The following KLRG1 variants were observed in gnomAD, a reference collection of about 807,000 sequenced individuals.
KLRG1 encodes the protein killer cell lectin like receptor G1.
In KLRG1, 16 loss-of-function variants were observed where a neutral mutation model predicts 21.8. The ratio of observed to expected loss-of-function variants is 0.73; its 90% CI spans 0.50 to 1.11. KLRG1 has a LOEUF of 1.11. KLRG1 is among the 50% of genes most tolerant of loss of function. The pLI, the probability that KLRG1 is intolerant of heterozygous loss-of-function variation, is 0.00. For missense variants in KLRG1, 173 were observed against 218.3 expected (o/e 0.79, Z 1.31); for synonymous variants, 69 against 75.9 (o/e 0.91, Z 0.47).
chr12:8,962,077 C>T (rs879186013), intron 1 of KLRG1, among the ~76,000 whole-genome samples: 1 of 151,964 alleles, frequency 6.6e-6, no homozygotes, highest in South Asian at 2.1e-4. Context: ...CAGAGTGAGA[C>T]CCCGTCTCTT....
chr12:9,202,312 T>A, the KLRG1 span: 1 of 1,611,340 alleles, frequency 6.2e-7, no homozygotes, highest in Non-Finnish European at 8.5e-7. Flanking sequence ...AGATAGTGGA[T>A]GCTTACCAGT....
chr12:9,182,756 A>G, the KLRG1 span, among the ~76,000 whole-genome samples: 1 of 152,200 alleles, frequency 6.6e-6, no homozygotes, highest in East Asian at 1.9e-4. Context: ...CAAAAGTTCC[A>G]TTTTCTGAAT....
chr12:9,208,453 C>A, the KLRG1 span: 1 of 753,262 alleles, frequency 1.3e-6, no homozygotes, highest in African/African-American at 1.7e-5. Context: ...CAAGCCCCAC[C>A]CCAAGGCCTC....
At chr12:9,094,832 A>G in the KLRG1 span, 2 of 409,188 alleles carry the variant, frequency 4.9e-6, no homozygotes, top group Non-Finnish European at 8.5e-6. Context: ...TTATATTACT[A>G]TATGACCTTG....
the KLRG1 span, chr12:9,152,714 A>G: frequency 1.7e-6 from 2 of 1,165,890 alleles, no homozygotes; most frequent in Non-Finnish European, 2.4e-6. Context: ...AGATATATCA[A>G]TTCTAAATTA....
At chr12:9,182,725 G>A in the KLRG1 span, among the ~76,000 whole-genome samples, 3 of 152,310 alleles carry the variant, frequency 2.0e-5, no homozygotes, top group East Asian at 3.9e-4. Flanking sequence ...GGGCCACCAG[G>A]TAGCTACAAA....
the KLRG1 span, chr12:9,090,208 C>A: frequency 7.2e-7 from 1 of 1,381,398 alleles, no homozygotes. Flanking sequence ...TTGAGGATAT[C>A]CTTGTAGGCA....
chr12:9,076,924 G>A, the KLRG1 span: 9 of 1,596,380 alleles, frequency 5.6e-6, no homozygotes, highest in East Asian at 2.2e-5. Context: ...AGGGCATTGC[G>A]GACAACAGGG....
chr12:9,000,163 A>C (rs1209694389), intron 3 of KLRG1, among the ~76,000 whole-genome samples: 1 of 152,314 alleles, frequency 6.6e-6, no homozygotes, highest in East Asian at 1.9e-4. Context: ...TGACTTGTTG[A>C]ATTGAGTATA....
chr12:9,026,013 G>A, the KLRG1 span, among the ~76,000 whole-genome samples: 1 of 152,312 alleles, frequency 6.6e-6, no homozygotes, highest in East Asian at 1.9e-4. Flanking sequence ...TGCGAGCTTG[G>A]GTGAGGCAGG....
At chr12:9,033,465 G>A in the KLRG1 span, among the ~76,000 whole-genome samples, 1 of 151,834 alleles carries the variant, frequency 6.6e-6, no homozygotes, top group African/African-American at 2.4e-5. Flanking sequence ...GGGATTACTG[G>A]GGTATTTCCC....
At chr12:9,140,784 G>C in the KLRG1 span, among the ~76,000 whole-genome samples, 1 of 152,142 alleles carries the variant, frequency 6.6e-6, no homozygotes, top group South Asian at 2.1e-4. Flanking sequence ...CCACAGGTCA[G>C]AAACCCTGTA....
chr12:9,033,320 C>A, the KLRG1 span, among the ~76,000 whole-genome samples: 30 of 152,094 alleles, frequency 2.0e-4, no homozygotes, highest in African/African-American at 7.0e-4. Flanking sequence ...TGGTTTATAT[C>A]TGTAGTCCCA....
intron 1 of KLRG1, among the ~76,000 whole-genome samples, chr12:8,973,322 A>G (rs1046841495): frequency 2.6e-5 from 4 of 152,064 alleles, no homozygotes; most frequent in African/African-American, 9.7e-5. Flanking sequence ...AAGATGTGGG[A>G]CCTTTAGGAG....
At chr12:9,036,638 A>G in the KLRG1 span, 1 of 207,950 alleles carries the variant, frequency 4.8e-6, no homozygotes, top group Non-Finnish European at 1.0e-5. Context: ...AGAAATCACA[A>G]TTGGACCACC....
the KLRG1 span, among the ~76,000 whole-genome samples, chr12:9,070,825 A>AT: frequency 0.38 from 55,575 of 145,732 alleles, 11,036 homozygotes; most frequent in African/African-American, 0.5. Context: ...GAGGATCTGC[A>AT]TTTTTTTTTT....
chr12:9,115,668 AG>A, the KLRG1 span: 5 of 879,232 alleles, frequency 5.7e-6, no homozygotes, highest in African/African-American at 6.7e-5. Flanking sequence ...AGAAGATGAC[AG>A]TATCATAGGA....
the KLRG1 span, chr12:9,074,508 C>A: frequency 1.7e-5 from 26 of 1,499,032 alleles, 1 homozygote; most frequent in South Asian, 2.9e-4. Flanking sequence ...CTTTTTCATT[C>A]AAATCTTTTG....
Position 9,010,347 on chromosome 12 carries a change from C to A in KLRG1, c.*810C>A. ...TATGCATATATGTGGTTGAATGAAC[C>A]AATGTGTGATTGTATCTTTTCCATT... is the stretch of plus-strand genomic sequence containing the variant. On this transcript the variant is annotated 3_prime_UTR_variant, in exon 5 of 5. Coordinates refer to ENST00000356986, the MANE Select transcript of KLRG1 (RefSeq NM_005810.4). 4.5e-6 allele frequency: 1 copy of A among 223,888 alleles called. No individual in the cohort carries two copies. Among genetic ancestry groups the A allele is most frequent in the Non-Finnish European group, 8.7e-6 (1 of 114,994 alleles). 13.9% of individuals were successfully genotyped at this position (223,888 alleles called of 1,614,324 possible). A position where few individuals can be genotyped will look rare whatever the true frequency, so the allele number is the denominator to read the frequency against.
Sources: allele counts gnomAD v4.1 joint callset (sites outside exome capture counted in the v4.1 genomes callset), GRCh38; gene constraint gnomAD v4.1.1; transcripts MANE v1.5; gene names NCBI Gene and HGNC (gene_info 2026-07-23, HGNC 2026-07-21).